The following FOXP2 variants were observed in gnomAD, a reference collection of about 807,000 sequenced individuals.
FOXP2 encodes forkhead box protein P2.
A neutral mutation model predicts 115.8 loss-of-function variants in FOXP2; 12 were observed. That is an observed-to-expected ratio of 0.10 (90% CI 0.07 to 0.17). FOXP2 has a LOEUF of 0.17. Ranked by LOEUF, FOXP2 falls within the 10% of genes least tolerant of loss-of-function variation. The pLI is 1.00. For missense variants in FOXP2, 629 were observed against 843.5 expected (o/e 0.75, Z 3.15); for synonymous variants, 328 against 297.7 (o/e 1.10, Z -1.05).
intron 3 of FOXP2, among the ~76,000 whole-genome samples, chr7:114,550,496 T>C (rs1800156525): frequency 6.6e-6 from 1 of 152,166 alleles, no homozygotes. Flanking sequence ...CTTTCTTTCA[T>C]TGCACAAGTC....
At chr7:114,175,046 G>C (rs1325299731) in intron 1 of FOXP2, among the ~76,000 whole-genome samples, 1 of 151,964 alleles carries the variant, frequency 6.6e-6, no homozygotes, top group African/African-American at 2.4e-5. Context: ...TTGTAACAAA[G>C]AAGCAGAATG....
intron 2 of FOXP2, among the ~76,000 whole-genome samples, chr7:114,460,718 C>T (rs542775146): frequency 7.2e-5 from 11 of 152,258 alleles, no homozygotes; most frequent in Non-Finnish European, 1.5e-4. Context: ...TCCTTGTTCT[C>T]CTTCCTTAGT....
intron 2 of FOXP2, among the ~76,000 whole-genome samples, chr7:114,335,058 A>G (rs1296457202): frequency 6.6e-6 from 1 of 150,518 alleles, no homozygotes; most frequent in African/African-American, 2.4e-5. Context: ...TGGTTGCAAA[A>G]TACTGGGTGA....
intron 2 of FOXP2, among the ~76,000 whole-genome samples, chr7:114,333,337 C>T (rs1436493491): frequency 2.6e-5 from 4 of 152,192 alleles, no homozygotes; most frequent in African/African-American, 9.7e-5. Context: ...TAAACCACAT[C>T]TACTTTTACT....
intron 2 of FOXP2, among the ~76,000 whole-genome samples, chr7:114,481,796 CTATCTATCTATCTATA>C (rs1456782067): frequency 2.2e-4 from 33 of 150,922 alleles, no homozygotes; most frequent in African/African-American, 7.0e-4. Flanking sequence ...ATCTATCTAT[CTATCTATCTATCTATA>C]TATCTATCTA....
chr7:114,186,924 T>C (rs1383946296), intron 1 of FOXP2, among the ~76,000 whole-genome samples: 1 of 152,166 alleles, frequency 6.6e-6, no homozygotes, highest in Non-Finnish European at 1.5e-5. Flanking sequence ...AGCAGACACT[T>C]GAGGTGGCTC....
At chr7:114,473,176 G>A (rs985418114) in intron 2 of FOXP2, among the ~76,000 whole-genome samples, 1 of 151,984 alleles carries the variant, frequency 6.6e-6, no homozygotes, top group Non-Finnish European at 1.5e-5. Context: ...ATATCTATTC[G>A]ATAGGTAATC....
chr7:114,630,826 G>C (rs1415501759), intron 5 of FOXP2, among the ~76,000 whole-genome samples: 1 of 152,118 alleles, frequency 6.6e-6, no homozygotes, highest in Non-Finnish European at 1.5e-5. Flanking sequence ...GAGCGCATCA[G>C]AAGTTTCTCT....
chr7:114,210,355 G>C (rs1794312046), intron 1 of FOXP2, among the ~76,000 whole-genome samples: 1 of 152,136 alleles, frequency 6.6e-6, no homozygotes, highest in Non-Finnish European at 1.5e-5. Context: ...TGGTCTTCTT[G>C]TTTTATGCCT....
chr7:114,493,409 G>C (rs1797160922), intron 2 of FOXP2, among the ~76,000 whole-genome samples: 6 of 151,972 alleles, frequency 3.9e-5, no homozygotes, highest in Admixed American at 2.6e-4. Flanking sequence ...TATAAACTAT[G>C]GACTTTGGGT....
chr7:114,208,862 G>A (rs576357197), intron 1 of FOXP2, among the ~76,000 whole-genome samples: 6 of 152,110 alleles, frequency 3.9e-5, no homozygotes, highest in Non-Finnish European at 8.8e-5. Flanking sequence ...CCCCAGCCAC[G>A]TGGAACTGAG....
At chr7:114,496,872 A>T (rs1797344874) in intron 2 of FOXP2, among the ~76,000 whole-genome samples, 1 of 152,044 alleles carries the variant, frequency 6.6e-6, no homozygotes, top group African/African-American at 2.4e-5. Context: ...GTACTGTTTC[A>T]TATTTATTTA....
At position 114,590,775 on chromosome 7, in the gene FOXP2, G is replaced by A. The variant is rs186074894; in HGVS notation, c.259-37765G>A. Among the ~76,000 whole-genome samples, 269 of 152,140 alleles carry A rather than the reference G, an allele frequency of 1.8e-3. 1 individual carries two copies. Among genetic ancestry groups the A allele is most frequent in the Middle Eastern group, 6.8e-3 (2 of 294 alleles). On this transcript the variant is annotated intron_variant, in intron 3 of 16. Transcript: ENST00000350908. Reference sequence around the variant, plus strand: ...ATTATCTAGGGAGAAGTGGATGAAGGGTAGGTATGTGTGTTCTCTTCTTGG... The same window carrying A: ...ATTATCTAGGGAGAAGTGGATGAAGAGTAGGTATGTGTGTTCTCTTCTTGG...
intron 3 of FOXP2, among the ~76,000 whole-genome samples, chr7:114,579,337 T>C (rs750557170): frequency 1.2e-4 from 19 of 152,198 alleles, no homozygotes; most frequent in South Asian, 1.0e-3. Flanking sequence ...TCCCATAAAA[T>C]ATATTCATAG....
Position 114,156,033 on chromosome 7 carries a change from G to A in FOXP2, c.-246-6911G>A, listed in dbSNP as rs180827450. Among the ~76,000 whole-genome samples the A allele has an allele frequency of 3.2e-3, 487 of 152,130 alleles. 2 individuals are homozygous for A. Among genetic ancestry groups the A allele is most frequent in the Middle Eastern group, 0.01 (3 of 292 alleles). On this transcript the variant is annotated intron_variant, in intron 1 of 19. Coordinates refer to the FOXP2 transcript ENST00000635638. ...GGTTGTACCCATGTTCACTTGAGGC[G>A]TTCTTCCCTTACCAGTCTGAGTATT...
intron 3 of FOXP2, among the ~76,000 whole-genome samples, chr7:114,593,253 A>AC (rs1442822935): frequency 1.3e-5 from 2 of 151,714 alleles, no homozygotes. Flanking sequence ...AAAAAAAATC[A>AC]CTCTATTCCA....
intron 2 of FOXP2, among the ~76,000 whole-genome samples, chr7:114,528,234 T>G (rs561605932): frequency 1.2e-4 from 18 of 152,206 alleles, no homozygotes; most frequent in Middle Eastern, 3.4e-3. Context: ...GGCATGGCCT[T>G]CTGTCATCTC....
At position 114,659,291 on chromosome 7, in the gene FOXP2, T is replaced by G. The variant is rs1229366544; in HGVS notation, c.1469-65T>G. ...CACTTTACCAATACTAGAGGAAATA[T>G]GAAAATTCAATTATATATAATGTGA... On this transcript the variant is annotated intron_variant, in intron 11 of 16. Transcript: ENST00000350908. The G allele has an allele frequency of 4.2e-6, 5 of 1,190,718 alleles. No homozygotes were observed. The East Asian group carries it at 9.6e-5, about 23-fold the overall frequency. The allele number at this position is 1,190,718 out of a possible 1,614,324, so 73.8% of individuals were successfully genotyped here.
chr7:114,258,736 T>C (rs1795678263), intron 1 of FOXP2, among the ~76,000 whole-genome samples: 2 of 152,350 alleles, frequency 1.3e-5, no homozygotes, highest in Admixed American at 6.5e-5. Context: ...TCAGGTTGAA[T>C]GCAGAGAACT....
Sources: allele counts gnomAD v4.1 joint callset (sites outside exome capture counted in the v4.1 genomes callset), GRCh38; gene constraint gnomAD v4.1.1; transcripts MANE v1.5; gene names NCBI Gene and HGNC (gene_info 2026-07-23, HGNC 2026-07-21).